Variants in PSMA4 observed in about 807,000 individuals in gnomAD.
PSMA4 encodes proteasome subunit alpha type-4.
A neutral mutation model predicts 37.2 loss-of-function variants in PSMA4; 8 were observed. The observed-to-expected ratio is 0.22, with a 90% CI of 0.13 to 0.39. The LOEUF (loss-of-function observed/expected upper bound fraction) is 0.39. PSMA4 is among the 10% of genes least tolerant of loss of function. The probability of loss-of-function intolerance (pLI) is 1.00; values close to 1 mark genes in which losing one functional copy is unlikely to be tolerated. For synonymous variants in PSMA4, 93 were observed against 98.8 expected, an observed-to-expected ratio of 0.94 and a Z score of 0.35; for missense variants, 169 against 305.1, an observed-to-expected ratio of 0.55 and a Z score of 3.32.
In PSMA4 at chr15:78,548,871, A is replaced by G; in HGVS notation, c.713A>G (p.Lys238Arg). Reference protein sequence around the residue: ...LKQKEVEQLIKKHEEEEAKAE... With the variant: ...LKQKEVEQLIRKHEEEEAKAE... Reference sequence around the variant, plus strand: ...CAAAAAGAAGTGGAGCAGTTGATCAAAAAACATGAGGAAGAAGAAGCCAAA... The same window carrying G: ...CAAAAAGAAGTGGAGCAGTTGATCAGAAAACATGAGGAAGAAGAAGCCAAA... Residue 238 changes from lysine to arginine, a missense_variant, in exon 9 of 9, where the codon AAA (lysine) becomes AGA (arginine). Physicochemically the swap from Lys to Arg is conservative, Grantham distance 26. Coordinates refer to ENST00000044462, the MANE Select transcript of PSMA4 (RefSeq NM_002789.6). 6 of 1,613,684 alleles carry G rather than the reference A, an allele frequency of 3.7e-6. No individual in the cohort carries two copies. The highest frequency in any genetic ancestry group is 5.1e-6 in the Non-Finnish European group (6 of 1,179,820).
chr15:78,542,644 GAGTA>G lies in PSMA4; in HGVS notation c.209+3_209+6del. ...TTCTGAAAAAATTTATAAACTCAATGAGTAAGTGAGATTTTAGGAAAGAGTTTAA... is the reference window on the plus strand; with the variant it reads ...TTCTGAAAAAATTTATAAACTCAATGAGTGAGATTTTAGGAAAGAGTTTAA... On this transcript the variant is annotated splice_donor_variant and splice_donor_region_variant and coding_sequence_variant and intron_variant, in exon 4 of 9. Coordinates refer to ENST00000044462, the MANE Select transcript of PSMA4 (RefSeq NM_002789.6). LOFTEE classifies it high-confidence loss of function. 1 of 1,595,872 alleles carries G rather than the reference GAGTA, an allele frequency of 6.3e-7. No homozygotes were observed. The highest frequency in any genetic ancestry group is 8.5e-7 in the Non-Finnish European group (1 of 1,173,116).
intron 1 of PSMA4, chr15:78,541,363 A>AAGG (rs1567032755): frequency 6.4e-6 from 1 of 157,442 alleles, no homozygotes; most frequent in Non-Finnish European, 1.4e-5. Flanking sequence ...CTCTCTGGAG[A>AAGG]AGGCCTCAGC....
At chr15:78,547,571 C>T (rs1008081532) in intron 8 of PSMA4, among the ~76,000 whole-genome samples, 1 of 152,204 alleles carries the variant, frequency 6.6e-6, no homozygotes, top group African/African-American at 2.4e-5. Flanking sequence ...CTTGGTGGCT[C>T]ATGCCTGTAA....
intron 4 of PSMA4, 63 bp downstream of exon 4, chr15:78,542,708 T>C: frequency 6.8e-7 from 1 of 1,469,912 alleles, no homozygotes; most frequent in East Asian, 2.3e-5. Flanking sequence ...GTGGGATCTA[T>C]GTAATTTGGG....
chr15:78,547,057 C>T (rs752770220), intron 8 of PSMA4, among the ~76,000 whole-genome samples: 3 of 152,146 alleles, frequency 2.0e-5, no homozygotes, highest in Non-Finnish European at 4.4e-5. Flanking sequence ...TGAGCCATTG[C>T]GCCCAGCCAG....
chr15:78,548,181 A>G (rs1476947142), intron 8 of PSMA4, among the ~76,000 whole-genome samples: 1 of 151,998 alleles, frequency 6.6e-6, no homozygotes, highest in Non-Finnish European at 1.5e-5. Context: ...CAGTGAGCCG[A>G]GTTTGCGCCA....
At chr15:78,547,767 G>A (rs544022198) in intron 8 of PSMA4, among the ~76,000 whole-genome samples, 2 of 152,220 alleles carry the variant, frequency 1.3e-5, no homozygotes, top group East Asian at 3.9e-4. Context: ...AACCTGGGAA[G>A]CGGAGGCTGC....
chr15:78,545,566 A>C, intron 6 of PSMA4, 68 bp from the exon 7 acceptor site: 14 of 1,542,696 alleles, frequency 9.1e-6, no homozygotes, highest in Non-Finnish European at 1.3e-5. Context: ...ACCTTCACTG[A>C]GCTCAAGTAA....
chr15:78,543,755 G>A, intron 4 of PSMA4: 1 of 159,676 alleles, frequency 6.3e-6, no homozygotes, highest in Non-Finnish European at 1.4e-5. Flanking sequence ...ATTTTGTTGA[G>A]ATGGGATTTT....
intron 2 of PSMA4, 115 bp from the exon 3 acceptor site, chr15:78,542,062 C>T (rs1338808506): frequency 6.9e-7 from 1 of 1,444,818 alleles, no homozygotes; most frequent in Non-Finnish European, 9.6e-7. Flanking sequence ...TGTCAGTTTC[C>T]TCTCACCTAT....
At position 78,550,260 on chromosome 15, in the gene PSMA4, A is replaced by G. The variant is rs2052624647; in HGVS notation, c.*1316A>G. 1 of 152,178 alleles carries G rather than the reference A, an allele frequency of 6.6e-6. No homozygotes were observed. The allele number at this position is 152,178 out of a possible 1,614,324, so 9.4% of individuals were successfully genotyped here. A position where few individuals can be genotyped will look rare whatever the true frequency, so the allele number is the denominator to read the frequency against. On this transcript the variant is annotated 3_prime_UTR_variant, in exon 9 of 9. Coordinates refer to ENST00000044462, the MANE Select transcript of PSMA4 (RefSeq NM_002789.6). ...GTTTTTTGTGTATTTCTACTTAAAGACACCTTTTTAAATGTGTATTGTGGA... is the reference window on the plus strand; with the variant it reads ...GTTTTTTGTGTATTTCTACTTAAAGGCACCTTTTTAAATGTGTATTGTGGA...
At position 78,544,187 on chromosome 15, in the gene PSMA4, A is replaced by C. The variant is rs1490912394; in HGVS notation, c.210-3A>C. Reference sequence around the variant, plus strand: ...TACAGATCAATGTCTTTTTTTCTTCAAGGGACATGGCTTGCAGTGTGGCAG... The same window carrying C: ...TACAGATCAATGTCTTTTTTTCTTCCAGGGACATGGCTTGCAGTGTGGCAG... On this transcript the variant is annotated splice_region_variant and splice_polypyrimidine_tract_variant and intron_variant, in intron 4 of 8. Coordinates refer to ENST00000044462, the MANE Select transcript of PSMA4 (RefSeq NM_002789.6). 6.2e-7 allele frequency: 1 copy of C among 1,611,434 alleles called. No individual in the cohort carries two copies. The highest frequency in any genetic ancestry group is 8.5e-7 in the Non-Finnish European group (1 of 1,178,116).
At chr15:78,548,108 T>G (rs2052588096) in intron 8 of PSMA4, among the ~76,000 whole-genome samples, 2 of 151,918 alleles carry the variant, frequency 1.3e-5, no homozygotes, top group African/African-American at 4.8e-5. Context: ...GGTGCGCACC[T>G]GTAATCCTGC....
intron 6 of PSMA4, among the ~76,000 whole-genome samples, chr15:78,545,348 A>G (rs1234601830): frequency 1.3e-5 from 2 of 152,242 alleles, no homozygotes; most frequent in Non-Finnish European, 2.9e-5. Context: ...TTAATAGGAT[A>G]TTGAAAGTCC....
intron 8 of PSMA4, among the ~76,000 whole-genome samples, chr15:78,547,966 C>T (rs1275044436): frequency 6.7e-6 from 1 of 148,734 alleles, no homozygotes; most frequent in East Asian, 2.1e-4. Context: ...TATTGGCTCA[C>T]GCCTGTAATC....
At chr15:78,547,396 A>G (rs1005361126) in intron 8 of PSMA4, among the ~76,000 whole-genome samples, 6 of 152,248 alleles carry the variant, frequency 3.9e-5, no homozygotes, top group African/African-American at 1.4e-4. Flanking sequence ...ATATTTATAC[A>G]TAGGTTTGGT....
chr15:78,544,776 C>T (rs1285364832), intron 5 of PSMA4, 93 bp from the exon 6 acceptor site: 5 of 768,354 alleles, frequency 6.5e-6, no homozygotes, highest in South Asian at 1.7e-5. Context: ...TTAGGTTGTC[C>T]CCATGGCATA....
chr15:78,543,667 C>G (rs759415682), intron 4 of PSMA4, among the ~76,000 whole-genome samples: 1 of 150,356 alleles, frequency 6.7e-6, no homozygotes, highest in Non-Finnish European at 1.5e-5. Flanking sequence ...CTCCTGGGCT[C>G]AAGTGATCCT....
intron 7 of PSMA4, among the ~76,000 whole-genome samples, chr15:78,546,321 G>T (rs889886662): frequency 1.3e-4 from 20 of 151,942 alleles, no homozygotes; most frequent in Admixed American, 3.3e-4. Context: ...GCATGTGCCT[G>T]TAATCCTAGC....
Sources: gnomAD v4.1 joint callset for allele counts (sites outside exome capture counted in the v4.1 genomes callset) on GRCh38, gnomAD v4.1.1 for gene constraint, MANE v1.5 for transcripts, NCBI Gene and HGNC (gene_info 2026-07-23, HGNC 2026-07-21) for gene names.